Variants in TOGARAM2 observed in about 807,000 individuals in gnomAD.
TOGARAM2 encodes the protein TOG array regulator of axonemal microtubules 2.
A neutral mutation model predicts 93.3 loss-of-function variants in TOGARAM2; 85 were observed. The ratio of observed to expected loss-of-function variants is 0.91; its 90% CI spans 0.76 to 1.09. The LOEUF (loss-of-function observed/expected upper bound fraction) is 1.09. TOGARAM2 is among the 50% of genes least tolerant of loss of function. TOGARAM2 has a pLI of 0.00. For synonymous variants in TOGARAM2, 593 were observed against 552.8 expected (o/e 1.07, Z -1.02); for missense variants, 1,277 against 1,334.5 (o/e 0.96, Z 0.67).
chr2:29,004,978 GTGTA>G (rs1333506016), intron 6 of TOGARAM2, among the ~76,000 whole-genome samples: 5 of 141,484 alleles, frequency 3.5e-5, no homozygotes, highest in Non-Finnish European at 7.7e-5. Flanking sequence ...GAGTGCATGT[GTGTA>G]TGTGTGTGAG....
intron 18 of TOGARAM2, among the ~76,000 whole-genome samples, chr2:29,038,274 C>T (rs974033863): frequency 2.0e-5 from 3 of 152,046 alleles, no homozygotes; most frequent in African/African-American, 4.8e-5. Context: ...TCCTTGGGTA[C>T]GGCTGATAAT....
chr2:28,963,736 G>A (rs192510926), intron 1 of TOGARAM2, among the ~76,000 whole-genome samples: 26 of 152,276 alleles, frequency 1.7e-4, no homozygotes, highest in African/African-American at 6.0e-4. Flanking sequence ...GGCCGAATGC[G>A]GTGGCTCATG....
At chr2:29,020,018 G>A (rs1243386230) in intron 10 of TOGARAM2, among the ~76,000 whole-genome samples, 1 of 152,178 alleles carries the variant, frequency 6.6e-6, no homozygotes, top group Non-Finnish European at 1.5e-5. Context: ...TGGTCACTGC[G>A]AGAGCACACC....
chr2:28,991,826 G>A (rs1002101413), intron 1 of TOGARAM2, among the ~76,000 whole-genome samples: 4 of 152,182 alleles, frequency 2.6e-5, no homozygotes, highest in African/African-American at 7.2e-5. Flanking sequence ...CTATGGCCCC[G>A]GTCACTATGG....
chr2:28,987,924 C>G (rs1312699192), intron 1 of TOGARAM2, among the ~76,000 whole-genome samples: 2 of 152,290 alleles, frequency 1.3e-5, no homozygotes, highest in African/African-American at 4.8e-5. Flanking sequence ...CTTGGATGCC[C>G]CCACAGGGGG....
At chr2:28,974,466 T>A (rs185543628) in intron 1 of TOGARAM2, among the ~76,000 whole-genome samples, 8 of 152,276 alleles carry the variant, frequency 5.3e-5, no homozygotes, top group Admixed American at 1.3e-4. Context: ...TAGATTAGTA[T>A]CTTTTACCAT....
At chr2:29,017,006 A>G in intron 8 of TOGARAM2, 148 bp from the exon 9 acceptor site, 1 of 942,870 alleles carries the variant, frequency 1.1e-6, no homozygotes, top group Non-Finnish European at 1.6e-6. Flanking sequence ...TCTCCCCCAC[A>G]CTTCAAAGCT....
chr2:29,020,703 C>A (rs1263710244), intron 10 of TOGARAM2, among the ~76,000 whole-genome samples: 1 of 152,200 alleles, frequency 6.6e-6, no homozygotes, highest in Non-Finnish European at 1.5e-5. Flanking sequence ...GTATTGCTCG[C>A]TCCAGAAGAC....
At chr2:28,996,115 A>T (rs1291925644) in intron 2 of TOGARAM2, among the ~76,000 whole-genome samples, 2 of 152,184 alleles carry the variant, frequency 1.3e-5, no homozygotes, top group Admixed American at 6.5e-5. Context: ...TCTCTTTTAA[A>T]AATATTGACA....
At chr2:28,959,399 G>A (rs555101675) in intron 1 of TOGARAM2, among the ~76,000 whole-genome samples, 1 of 152,298 alleles carries the variant, frequency 6.6e-6, no homozygotes, top group African/African-American at 2.4e-5. Flanking sequence ...AGAGGGAGAA[G>A]AATATGGTTT....
At chr2:28,997,460 G>A (rs184922102) in intron 2 of TOGARAM2, among the ~76,000 whole-genome samples, 1 of 152,272 alleles carries the variant, frequency 6.6e-6, no homozygotes, top group Admixed American at 6.5e-5. Flanking sequence ...CTTAATCATT[G>A]TGTTCTCCGC....
chr2:28,999,841 G>A (rs879604978), intron 4 of TOGARAM2, among the ~76,000 whole-genome samples: 1 of 152,220 alleles, frequency 6.6e-6, no homozygotes, highest in African/African-American at 2.4e-5. Context: ...AAGACCTTCT[G>A]GCCCTGGCCT....
In TOGARAM2 at chr2:29,051,779, C is replaced by A; in HGVS notation, c.2746C>A (p.Arg916=). The change falls in exon 20 of 20, where the codon CGG becomes AGG. Residue 916 remains arginine, a synonymous_variant. Coordinates refer to ENST00000379558, the MANE Select transcript of TOGARAM2 (RefSeq NM_199280.4). The stretch of plus-strand genomic sequence containing the variant: ...AGTGCTGGTGGCCTCAGTTTACCCC[C>A]GGAAGCCTCAAGCTGTAGAGCGGCA... ...LAVLVASVYP[R]KPQAVERHVL... is the part of the protein sequence containing the mutation. The A allele has an allele frequency of 6.6e-7, 1 of 1,526,238 alleles. No individual in the cohort carries two copies. Among genetic ancestry groups the A allele is most frequent in the Non-Finnish European group, 8.9e-7 (1 of 1,129,430 alleles). The allele number at this position is 1,526,238 out of a possible 1,614,324, so 94.5% of individuals were successfully genotyped here.
In TOGARAM2 at chr2:28,969,979, AT is replaced by A. The variant is rs541372329; in HGVS notation, c.-147+13287del. On this transcript the variant is annotated intron_variant, in intron 1 of 6. Transcript: ENST00000401723. ...AGGTGCACACCACCACGCCCGGCTA[AT>A]TTTTGTATTTTTAGTAGAGATGGGG... Among the ~76,000 whole-genome samples, 224 of 151,996 alleles carry A rather than the reference AT, an allele frequency of 1.5e-3. 1 individual carries two copies. The highest frequency in any genetic ancestry group is 3.1e-3 in the Admixed American group (47 of 15,256).
intron 1 of TOGARAM2, among the ~76,000 whole-genome samples, chr2:28,958,889 C>T (rs987171414): frequency 4.6e-5 from 7 of 152,326 alleles, no homozygotes; most frequent in South Asian, 2.1e-4. Context: ...TCTAAACTCC[C>T]GTGGAGGGTG....
At chr2:28,995,954 G>A (rs1362285710) in intron 2 of TOGARAM2, among the ~76,000 whole-genome samples, 1 of 152,206 alleles carries the variant, frequency 6.6e-6, no homozygotes, top group Admixed American at 6.5e-5. Context: ...TGCCTACTTA[G>A]CAGCAGGTAC....
intron 6 of TOGARAM2, among the ~76,000 whole-genome samples, chr2:29,005,450 TGA>T (rs561975651): frequency 4.1e-5 from 6 of 145,924 alleles, no homozygotes; most frequent in East Asian, 4.2e-4. Flanking sequence ...TGCATGTATG[TGA>T]GAGCATGTGT....
chr2:28,975,015 T>A (rs898132577), intron 1 of TOGARAM2, among the ~76,000 whole-genome samples: 12 of 152,118 alleles, frequency 7.9e-5, no homozygotes, highest in African/African-American at 2.6e-4. Context: ...TCACTGATTT[T>A]TTTCCTCTAT....
At chr2:28,961,034 A>G (rs1671799311) in intron 1 of TOGARAM2, among the ~76,000 whole-genome samples, 1 of 152,144 alleles carries the variant, frequency 6.6e-6, no homozygotes, top group Non-Finnish European at 1.5e-5. Flanking sequence ...TGGTTTGAGT[A>G]TGATGTTTAG....
Sources: gnomAD v4.1 joint callset for allele counts (sites outside exome capture counted in the v4.1 genomes callset) on GRCh38, gnomAD v4.1.1 for gene constraint, MANE v1.5 for transcripts, NCBI Gene and HGNC (gene_info 2026-07-23, HGNC 2026-07-21) for gene names.